IMPA1: variants seen among roughly 807,000 people sequenced by gnomAD.
The protein encoded by IMPA1 is D-galactose 1-phosphate phosphatase.
A neutral mutation model predicts 34.9 loss-of-function variants in IMPA1; 21 were observed. The ratio of observed to expected loss-of-function variants is 0.60; its 90% CI spans 0.43 to 0.87. The LOEUF is 0.87. IMPA1 is among the 40% of genes least tolerant of loss of function. IMPA1 has a pLI of 0.00. For missense variants in IMPA1, 299 were observed against 336.4 expected, an observed-to-expected ratio of 0.89 and a Z score of 0.87; for synonymous variants, 95 against 104.4, an observed-to-expected ratio of 0.91 and a Z score of 0.55.
intron 1 of IMPA1, among the ~76,000 whole-genome samples, chr8:81,685,502 T>C (rs1807485395): frequency 6.9e-6 from 1 of 144,198 alleles, no homozygotes; most frequent in Admixed American, 7.0e-5. Flanking sequence ...TATAAGTATA[T>C]ATACGTAAGT....
In IMPA1 at chr8:81,659,527, A is replaced by C. The variant is rs973583372; in HGVS notation, c.719-61T>G. On this transcript the variant is annotated intron_variant, in intron 8 of 8. Transcript: ENST00000256108. Reference sequence around the variant, plus strand: ...GGTACAAAAATAATTCATATAAAACAAGTATAGCAATATGTACTATGGTCA... The same window carrying C: ...GGTACAAAAATAATTCATATAAAACCAGTATAGCAATATGTACTATGGTCA... The C allele has an allele frequency of 5.4e-6, 5 of 922,018 alleles. No individual in the cohort carries two copies. The Admixed American group carries it at 7.6e-5, about 14-fold the overall frequency. The allele number at this position is 922,018 out of a possible 1,614,324, so 57.1% of individuals were successfully genotyped here.
At chr8:81,679,960 C>A (rs537037291) in intron 3 of IMPA1, among the ~76,000 whole-genome samples, 4 of 151,930 alleles carry the variant, frequency 2.6e-5, no homozygotes, top group South Asian at 4.2e-4. Flanking sequence ...CATGGTGAAA[C>A]CCCGTCTCTA....
rs142700561 is a variant in IMPA1 at position 81,664,731 on chromosome 8, G to A, written c.567-4064C>T. 1.8e-3 allele frequency among the ~76,000 whole-genome samples: 270 copies of A among 152,008 alleles called. 2 individuals carry two copies. The highest frequency in any genetic ancestry group is 6.0e-3 in the African/African-American group (250 of 41,456). ...AGTAGGAACTAAGGGGTGCGGGGAC[G>A]GGGGAGGGATAGCATTAGGAGATAT... On this transcript the variant is annotated intron_variant, in intron 7 of 8. Transcript: ENST00000256108.
chr8:81,666,819 G>C (rs771059653), intron 7 of IMPA1, among the ~76,000 whole-genome samples: 31 of 133,350 alleles, frequency 2.3e-4, no homozygotes, highest in Non-Finnish European at 9.2e-5. Flanking sequence ...GCAGTGAACC[G>C]AGATTGTGCC....
intron 7 of IMPA1, among the ~76,000 whole-genome samples, chr8:81,667,390 T>C (rs546072866): frequency 6.6e-6 from 1 of 152,186 alleles, no homozygotes; most frequent in Non-Finnish European, 1.5e-5. Context: ...TGTTGAAACT[T>C]AATCCCCAAT....
chr8:81,679,184 T>G lies in IMPA1; in HGVS notation c.244A>C (p.Thr82Pro). The change falls in exon 4 of 9, where the codon ACC (threonine) becomes CCC (proline). Residue 82 changes from threonine (T) to proline (P), a missense_variant. By Grantham distance (38) the Thr-to-Pro change is conservative. Coordinates refer to ENST00000256108, the MANE Select transcript of IMPA1 (RefSeq NM_005536.4). ...TCAATGATCCATGTGGGGTTGTCGG[T>G]TAAGATACTTTTTTCCCCAGCTGCC... ...SVAAGEKSIL[T>P]DNPTWIIDPI... The G allele has an allele frequency of 6.2e-7, 1 of 1,614,064 alleles. No individual in the cohort carries two copies. Among genetic ancestry groups the G allele is most frequent in the South Asian group, 1.1e-5 (1 of 91,078 alleles).
chr8:81,678,650 C>T (rs773835697), intron 4 of IMPA1: 2 of 191,114 alleles, frequency 1.0e-5, no homozygotes, highest in South Asian at 7.4e-5. Context: ...CAAGACTGCG[C>T]CATTGCATCT....
At chr8:81,673,642 A>T (rs1284873092) in intron 6 of IMPA1, among the ~76,000 whole-genome samples, 199 bp downstream of exon 6, 3 of 152,154 alleles carry the variant, frequency 2.0e-5, no homozygotes, top group Non-Finnish European at 4.4e-5. Flanking sequence ...TACAATGCTG[A>T]GCCTGAAGTG....
At chr8:81,684,270 AC>A (rs1310947859) in intron 1 of IMPA1, among the ~76,000 whole-genome samples, 3 of 143,704 alleles carry the variant, frequency 2.1e-5, no homozygotes, top group African/African-American at 7.9e-5. Flanking sequence ...TATATAGTAT[AC>A]CATACATAAG....
intron 7 of IMPA1, among the ~76,000 whole-genome samples, chr8:81,663,315 G>C (rs745527728): frequency 1.3e-5 from 2 of 152,208 alleles, no homozygotes; most frequent in Non-Finnish European, 2.9e-5. Context: ...GGGAGGTTCT[G>C]TAGCTATTGA....
intron 7 of IMPA1, among the ~76,000 whole-genome samples, chr8:81,667,663 T>G (rs1369481283): frequency 6.6e-6 from 1 of 152,110 alleles, no homozygotes; most frequent in African/African-American, 2.4e-5. Context: ...CCTTAGAGAT[T>G]GAGTTAAGTA....
At chr8:81,680,839 A>G (rs1807278783) in intron 2 of IMPA1, 56 bp from the exon 3 acceptor site, 3 of 1,286,834 alleles carry the variant, frequency 2.3e-6, no homozygotes, top group South Asian at 1.3e-5. Context: ...ACAAAAAGAT[A>G]AAATACATAA....
intron 7 of IMPA1, among the ~76,000 whole-genome samples, chr8:81,662,810 T>G (rs2073078025): frequency 6.6e-6 from 1 of 152,232 alleles, no homozygotes; most frequent in Admixed American, 6.5e-5. Context: ...CTCTAAACCA[T>G]GATGTCAGAA....
In IMPA1 at chr8:81,660,663, G is replaced by A. The variant is rs1238506691; in HGVS notation, c.571C>T (p.Arg191Trp). The change falls in exon 8 of 9, where the codon CGG becomes TGG. Residue 191 changes from arginine (R) to tryptophan (W), a missense_variant. Arg to Trp is a moderately radical substitution (Grantham distance 101, BLOSUM62 -3). Coordinates refer to ENST00000256108, the MANE Select transcript of IMPA1 (RefSeq NM_005536.4). ...KLFCIPVHGI[R>W]SVGTAAVNMC... The stretch of plus-strand genomic sequence containing the variant: ...TTAACAGCTGCTGTTCCAACACTCC[G>A]GATCCTAACAAATAGAATTTAGAAA... The A allele has an allele frequency of 1.6e-5, 25 of 1,599,754 alleles. No individual in the cohort carries two copies. The highest frequency in any genetic ancestry group is 5.2e-5 in the Admixed American group (3 of 58,232).
In IMPA1 at chr8:81,664,327, T is replaced by G. The variant is rs1355020090; in HGVS notation, c.567-3660A>C. Among the ~76,000 whole-genome samples the G allele has an allele frequency of 5.3e-5, 8 of 151,800 alleles. 1 individual carries two copies. The highest frequency in any genetic ancestry group is 1.2e-4 in the Non-Finnish European group (8 of 67,958). On this transcript the variant is annotated intron_variant, in intron 7 of 8. Transcript: ENST00000256108. ...TAGGACCCATTCTTTCAGATAGAAA[T>G]CAGGAAATGCAAACTCTCAAACTAC...
intron 1 of IMPA1, among the ~76,000 whole-genome samples, chr8:81,683,023 C>G (rs1200081652): frequency 6.6e-6 from 1 of 152,180 alleles, no homozygotes; most frequent in Non-Finnish European, 1.5e-5. Flanking sequence ...TGAGAAGCAT[C>G]TAACAGGGGA....
At chr8:81,666,740 C>T (rs204791) in intron 7 of IMPA1, among the ~76,000 whole-genome samples, 1 of 151,612 alleles carries the variant, frequency 6.6e-6, no homozygotes, top group Non-Finnish European at 1.5e-5. Context: ...CATGGTGGTG[C>T]GTAGCTGTAA....
rs574265720 is a variant in IMPA1, at chr8:81,673,963, CAA to C, written c.349-16_349-15del. 2.8e-4 allele frequency: 428 copies of C among 1,524,320 alleles called. 4 individuals carry two copies. The highest frequency in any genetic ancestry group is 2.5e-3 in the South Asian group (220 of 88,506). 94.4% of individuals were successfully genotyped at this position (1,524,320 alleles called of 1,614,324 possible). ...TCCAAATTCTATCTGCAGAGGAAAA[CAA>C]GTTTCCTTTACCAAACCTAAGTATG... On this transcript the variant is annotated splice_polypyrimidine_tract_variant and intron_variant, in intron 5 of 8. Coordinates refer to ENST00000256108, the MANE Select transcript of IMPA1 (RefSeq NM_005536.4).
At position 81,660,544 on chromosome 8, in the gene IMPA1, T is replaced by C; in HGVS notation, c.690A>G (p.Glu230=). 1 of 1,613,828 alleles carries C rather than the reference T, an allele frequency of 6.2e-7. No individual in the cohort carries two copies. ...TAACATCCATTAGCACGCCACCAGC[T>C]TCAGTAACAATAATGCCAGCTCCTG... ...DVAGAGIIVT[E]AGGVLMDVTG... The change falls in exon 8 of 9, where the codon GAA becomes GAG. Residue 230 remains glutamate, a synonymous_variant. Transcript: ENST00000256108.
Sources: allele counts gnomAD v4.1 joint callset (sites outside exome capture counted in the v4.1 genomes callset), GRCh38; gene constraint gnomAD v4.1.1; transcripts MANE v1.5; gene names NCBI Gene and HGNC (gene_info 2026-07-23, HGNC 2026-07-21).